PHF20L1: variants seen among roughly 807,000 people sequenced by gnomAD.
PHF20L1 encodes PHD finger protein 20 like 1.
Under a neutral mutation model 125.5 loss-of-function variants are expected in PHF20L1, and 44 were observed. That is an observed-to-expected ratio of 0.35 (90% confidence interval 0.28 to 0.45). The LOEUF (loss-of-function observed/expected upper bound fraction) is 0.45, where lower values mean the gene tolerates loss of function less well. Among genes scored for constraint, PHF20L1 ranks in the 20% least tolerant of loss-of-function variants. The probability of loss-of-function intolerance (pLI) is 1.00; values close to 1 mark genes in which losing one functional copy is unlikely to be tolerated. For synonymous variants in PHF20L1, 380 were observed against 403.1 expected (o/e 0.94, Z 0.69); for missense variants, 1,012 against 1,217.2 (o/e 0.83, Z 2.51).
intron 2 of PHF20L1, among the ~76,000 whole-genome samples, chr8:132,792,896 A>G (rs1256934597): frequency 1.3e-5 from 2 of 152,098 alleles, no homozygotes; most frequent in South Asian, 2.1e-4. Flanking sequence ...AAGTCTTTCA[A>G]TAAAGAATGC....
intron 2 of PHF20L1, among the ~76,000 whole-genome samples, chr8:132,779,531 A>C (rs534707217): frequency 6.6e-6 from 1 of 152,298 alleles, no homozygotes; most frequent in African/African-American, 2.4e-5. Context: ...TTTTTAAGTT[A>C]CTGACTTTGT....
At chr8:132,830,713 T>A (rs537630922) in intron 14 of PHF20L1, among the ~76,000 whole-genome samples, 1 of 152,246 alleles carries the variant, frequency 6.6e-6, no homozygotes, top group South Asian at 2.1e-4. Flanking sequence ...TCTATTAAAA[T>A]GGAGGGAATG....
At chr8:132,844,082 T>A (rs1417841219) in intron 19 of PHF20L1, 74 bp from the exon 20 acceptor site, 1 of 1,579,540 alleles carries the variant, frequency 6.3e-7, no homozygotes, top group Non-Finnish European at 8.6e-7. Flanking sequence ...ATGAGGTGTT[T>A]CCTGTATCCT....
chr8:132,790,314 C>T (rs975606696), intron 2 of PHF20L1, among the ~76,000 whole-genome samples: 1 of 152,156 alleles, frequency 6.6e-6, no homozygotes, highest in Non-Finnish European at 1.5e-5. Context: ...GAGCCATCTG[C>T]TAGAAATAAC....
chr8:132,845,642 A>G, intron 20 of PHF20L1, 139 bp from the exon 21 acceptor site: 1 of 627,910 alleles, frequency 1.6e-6, no homozygotes, highest in Non-Finnish European at 2.8e-6. Flanking sequence ...CCTCTCGGAA[A>G]TGTCTTGAGT....
rs1833398168 is a variant in PHF20L1, at chr8:132,804,038, A to G, written c.721+6A>G. ...TACATCTAGTGAAACATTTGGTACA[A>G]AATACATTCTTACGTTAATTCCTTA... On this transcript the variant is annotated splice_donor_region_variant and intron_variant, in intron 7 of 20. Transcript: ENST00000395386. 1.9e-6 allele frequency: 3 copies of G among 1,567,736 alleles called. No individual in the cohort carries two copies. The highest frequency in any genetic ancestry group is 2.6e-6 in the Non-Finnish European group (3 of 1,138,886).
At chr8:132,831,483 G>T (rs1836780906) in intron 14 of PHF20L1, among the ~76,000 whole-genome samples, 1 of 152,004 alleles carries the variant, frequency 6.6e-6, no homozygotes, top group Non-Finnish European at 1.5e-5. Flanking sequence ...TTTTTACAGA[G>T]TTCTTCCAGG....
chr8:132,837,153 T>A (rs187533230), intron 16 of PHF20L1, among the ~76,000 whole-genome samples: 2 of 152,082 alleles, frequency 1.3e-5, no homozygotes, highest in East Asian at 1.9e-4. Flanking sequence ...AGTTAACAAC[T>A]TCTTCTTGTA....
At chr8:132,787,513 G>A (rs1299190847) in intron 2 of PHF20L1, among the ~76,000 whole-genome samples, 1 of 152,002 alleles carries the variant, frequency 6.6e-6, no homozygotes, top group Non-Finnish European at 1.5e-5. Flanking sequence ...CTTCAGTGTT[G>A]GAGAAGATAT....
In PHF20L1 at chr8:132,824,075, TA is replaced by T; in HGVS notation, c.1636+17del. ...AACAGCATTTGGTATGAACAGAAAG[TA>T]ATCTTTAAGCAAAAGACTATAAAGC... On this transcript the variant is annotated intron_variant, in intron 13 of 20. Transcript: ENST00000395386. 1.3e-6 allele frequency: 2 copies of T among 1,545,282 alleles called. No homozygotes were observed. Among genetic ancestry groups the T allele is most frequent in the Non-Finnish European group, 1.8e-6 (2 of 1,123,122 alleles).
At chr8:132,841,790 A>C (rs1410559903) in intron 18 of PHF20L1, 2 of 152,136 alleles carry the variant, frequency 1.3e-5, no homozygotes, top group Non-Finnish European at 2.9e-5. Context: ...TCCCATATCT[A>C]GAAATTTATC....
At chr8:132,809,851 C>T (rs1834167394) in intron 8 of PHF20L1, 1 of 152,014 alleles carries the variant, frequency 6.6e-6, no homozygotes, top group Non-Finnish European at 1.5e-5. Context: ...CTTGAAATGA[C>T]ACAGAAATGA....
Position 132,794,659 on chromosome 8 carries a change from T to C in PHF20L1, c.256-74T>C, listed in dbSNP as rs568566874. Reference sequence around the variant, plus strand: ...ATTTTAAAAGGATTCTGTTAAATTATACAAAAGCCTGTTTTTGTTAAGAAA... The same window carrying C: ...ATTTTAAAAGGATTCTGTTAAATTACACAAAAGCCTGTTTTTGTTAAGAAA... On this transcript the variant is annotated intron_variant, in intron 3 of 20. Transcript: ENST00000395386. 79 of 1,495,620 alleles carry C rather than the reference T, an allele frequency of 5.3e-5. No individual in the cohort carries two copies. The Admixed American group carries it at 1.2e-3, about 23-fold the overall frequency. 92.6% of individuals were successfully genotyped at this position (1,495,620 alleles called of 1,614,324 possible).
At chr8:132,787,454 A>G (rs1185008968) in intron 2 of PHF20L1, among the ~76,000 whole-genome samples, 1 of 152,136 alleles carries the variant, frequency 6.6e-6, no homozygotes, top group Non-Finnish European at 1.5e-5. Context: ...TATTATGGGG[A>G]TCAATAGGTC....
chr8:132,833,914 TG>T (rs1172849771), intron 15 of PHF20L1, among the ~76,000 whole-genome samples: 1 of 152,136 alleles, frequency 6.6e-6, no homozygotes, highest in Non-Finnish European at 1.5e-5. Context: ...AACACATTTC[TG>T]GGCCTCACCC....
At chr8:132,808,421 A>T (rs1833977799) in intron 8 of PHF20L1, 1 of 151,842 alleles carries the variant, frequency 6.6e-6, no homozygotes, top group Non-Finnish European at 1.5e-5. Context: ...TTAGTTTGTG[A>T]TCTATTTCAT....
chr8:132,792,837 A>T (rs1306178220), intron 2 of PHF20L1, among the ~76,000 whole-genome samples: 1 of 151,772 alleles, frequency 6.6e-6, no homozygotes, highest in Admixed American at 6.6e-5. Flanking sequence ...TGTTTTCTTG[A>T]CTCTAGTAAC....
intron 6 of PHF20L1, among the ~76,000 whole-genome samples, chr8:132,801,094 A>G (rs1165726716): frequency 6.6e-6 from 1 of 151,630 alleles, no homozygotes; most frequent in Non-Finnish European, 1.5e-5. Flanking sequence ...TTTCTACCCT[A>G]ATAAGAGCAG....
chr8:132,800,192 AAAAATT>A (rs1295057745), intron 6 of PHF20L1, among the ~76,000 whole-genome samples: 1 of 151,736 alleles, frequency 6.6e-6, no homozygotes, highest in Non-Finnish European at 1.5e-5. Context: ...TACAGCTTGT[AAAAATT>A]AAATTTATTG....
Sources: allele counts gnomAD v4.1 joint callset (sites outside exome capture counted in the v4.1 genomes callset), GRCh38; gene constraint gnomAD v4.1.1; transcripts MANE v1.5; gene names NCBI Gene and HGNC (gene_info 2026-07-23, HGNC 2026-07-21).